The following TESPA1 variants were observed in gnomAD, a reference collection of about 807,000 sequenced individuals.
The protein encoded by TESPA1 is thymocyte expressed, positive selection associated 1.
A neutral mutation model predicts 57.9 loss-of-function variants in TESPA1; 33 were observed. The observed-to-expected ratio is 0.57, with a 90% CI of 0.43 to 0.76. The LOEUF (loss-of-function observed/expected upper bound fraction) is 0.76, where lower values mean the gene tolerates loss of function less well. Ranked by LOEUF, TESPA1 falls within the 30% of genes least tolerant of loss-of-function variation. The pLI is 0.00. For missense variants in TESPA1, 618 were observed against 632.9 expected, an observed-to-expected ratio of 0.98 and a Z score of 0.25; for synonymous variants, 227 against 228.9, an observed-to-expected ratio of 0.99 and a Z score of 0.07.
At chr12:54,963,350 A>G (rs2136107452) in intron 8 of TESPA1, 108 bp from the exon 9 acceptor site, 1 of 1,117,554 alleles carries the variant, frequency 8.9e-7, no homozygotes, top group Non-Finnish European at 1.2e-6. Flanking sequence ...AGAAGCTTCC[A>G]ATTTTCCTAC....
chr12:54,962,477 C>T lies in TESPA1; in HGVS notation c.1421G>A (p.Arg474His), dbSNP rs370397366. The change falls in exon 9 of 11, where the codon CGT becomes CAT. Residue 474 changes from arginine (R) to histidine (H), a missense_variant. By Grantham distance (29) the Arg-to-His change is conservative. This residue lies in a region of TESPA1 where 409 missense variants were observed against 420.1 expected (regional missense o/e 0.97). Transcript: ENST00000449076. ...CTGTGGCTGCTGGCTTAAAGACCGA[C>T]GCAGTTCTGGTCTGTCTACACTCTG... is the stretch of plus-strand genomic sequence containing the variant. ...WKQSVDRPEL[R>H]RSLSQQPQDT... The T allele has an allele frequency of 4.2e-5, 67 of 1,612,780 alleles. No individual in the cohort carries two copies. Among genetic ancestry groups the T allele is most frequent in the East Asian group, 3.1e-4 (14 of 44,866 alleles).
At chr12:54,969,021 G>GTGTGTGTGTATATATATATATA (rs370590552) in intron 3 of TESPA1, among the ~76,000 whole-genome samples, 17 of 83,648 alleles carry the variant, frequency 2.0e-4, no homozygotes, top group African/African-American at 5.0e-4. Context: ...ATTTATATAT[G>GTGTGTGTGTATATATATATATA]TATATATATA....
intron 7 of TESPA1, among the ~76,000 whole-genome samples, chr12:54,964,732 T>G (rs1235716092): frequency 6.6e-6 from 1 of 152,260 alleles, no homozygotes; most frequent in African/African-American, 2.4e-5. Flanking sequence ...AGCTAATAGC[T>G]GGACGGTCGG....
At chr12:54,955,666 G>A (rs1192480190) in intron 10 of TESPA1, among the ~76,000 whole-genome samples, 1 of 152,186 alleles carries the variant, frequency 6.6e-6, no homozygotes, top group Non-Finnish European at 1.5e-5. Flanking sequence ...TTCTGTGTTT[G>A]CAATCTGTTT....
At chr12:54,952,741 A>G (rs1341051968) in intron 10 of TESPA1, among the ~76,000 whole-genome samples, 1 of 152,206 alleles carries the variant, frequency 6.6e-6, no homozygotes, top group East Asian at 1.9e-4. Flanking sequence ...GAATTGAGTA[A>G]AGTCTTTGAA....
At chr12:54,961,628 A>G (rs146125550) in intron 9 of TESPA1, among the ~76,000 whole-genome samples, 125 of 152,312 alleles carry the variant, frequency 8.2e-4, no homozygotes, top group African/African-American at 2.8e-3. Context: ...GAACACGAAG[A>G]GTTGGTGGAC....
At chr12:54,953,421 T>C (rs1018992956) in intron 10 of TESPA1, among the ~76,000 whole-genome samples, 3 of 152,156 alleles carry the variant, frequency 2.0e-5, no homozygotes, top group Non-Finnish European at 4.4e-5. Flanking sequence ...AGAATATCAA[T>C]ATTCTGCTTT....
At chr12:54,966,260 G>C in intron 6 of TESPA1, 109 bp from the exon 7 acceptor site, 2 of 1,569,570 alleles carry the variant, frequency 1.3e-6, no homozygotes, top group Non-Finnish European at 1.7e-6. Flanking sequence ...TCTATGCAGT[G>C]CTTGTTCGTT....
intron 3 of TESPA1, among the ~76,000 whole-genome samples, chr12:54,969,498 A>G (rs1951687034): frequency 6.6e-6 from 1 of 152,124 alleles, no homozygotes; most frequent in South Asian, 2.1e-4. Context: ...TCTAGGTTGT[A>G]CCCAATGGAC....
chr12:54,956,884 C>A (rs1302791622), intron 10 of TESPA1, among the ~76,000 whole-genome samples: 13 of 152,170 alleles, frequency 8.5e-5, no homozygotes, highest in Admixed American at 8.5e-4. Context: ...CACAGCCAAA[C>A]TTGGTTTTAT....
intron 1 of TESPA1, among the ~76,000 whole-genome samples, chr12:54,982,305 G>A (rs1038937541): frequency 2.6e-5 from 4 of 152,196 alleles, no homozygotes; most frequent in Non-Finnish European, 5.9e-5. Context: ...GACTTCTATT[G>A]TCTAAGGAGC....
At position 54,963,243 on chromosome 12, in the gene TESPA1, C is replaced by A; in HGVS notation, c.656-1G>T. 6.2e-7 allele frequency: 1 copy of A among 1,608,212 alleles called. No homozygotes were observed. Among genetic ancestry groups the A allele is most frequent in the South Asian group, 1.1e-5 (1 of 90,190 alleles). The stretch of plus-strand genomic sequence containing the variant: ...AGTGTTTGCACCTGCTTAAACCTGC[C>A]TGGGTACAAGAGTTAAAGATGGTAA... On this transcript the variant is annotated splice_acceptor_variant, in intron 8 of 10. Coordinates refer to ENST00000449076, the MANE Select transcript of TESPA1 (RefSeq NM_001136030.3). LOFTEE classifies it high-confidence loss of function.
At chr12:54,970,727 C>G (rs1430523271) in intron 3 of TESPA1, among the ~76,000 whole-genome samples, 1 of 152,168 alleles carries the variant, frequency 6.6e-6, no homozygotes, top group Non-Finnish European at 1.5e-5. Flanking sequence ...AATTCCTTAG[C>G]ATCATTTTAA....
At chr12:54,960,601 A>G (rs921860261) in intron 10 of TESPA1, among the ~76,000 whole-genome samples, 1 of 152,222 alleles carries the variant, frequency 6.6e-6, no homozygotes, top group Non-Finnish European at 1.5e-5. Context: ...AACTTCTACT[A>G]CAATGAGTTT....
rs549186606 is a variant in TESPA1, at chr12:54,965,689, C to T, written c.446+364G>A. Reference sequence around the variant, plus strand: ...ACAGTCATTGCCTGGCCTGCCTGTCCGAATGAATTAATATTTTATTGCTTC... The same window carrying T: ...ACAGTCATTGCCTGGCCTGCCTGTCTGAATGAATTAATATTTTATTGCTTC... On this transcript the variant is annotated intron_variant, in intron 7 of 10. Transcript: ENST00000449076. 3.5e-4 allele frequency among the ~76,000 whole-genome samples: 53 copies of T among 152,122 alleles called. 1 individual carries two copies. The highest frequency in any genetic ancestry group is 1.2e-3 in the African/African-American group (48 of 41,492).
At chr12:54,973,853 T>C in intron 2 of TESPA1, 1 of 1,100,170 alleles carries the variant, frequency 9.1e-7, no homozygotes, top group Non-Finnish European at 1.1e-6. Flanking sequence ...AATCTTGTTT[T>C]TGTGCTTTTT....
intron 1 of TESPA1, among the ~76,000 whole-genome samples, chr12:54,975,935 C>G (rs1952120352): frequency 6.6e-6 from 1 of 152,174 alleles, no homozygotes; most frequent in South Asian, 2.1e-4. Flanking sequence ...TCTGATCTAA[C>G]TTCCTTCACT....
In TESPA1 at chr12:54,974,420, A is replaced by G; in HGVS notation, c.143T>C (p.Leu48Pro). The G allele has an allele frequency of 2.5e-6, 4 of 1,607,894 alleles. No homozygotes were observed. The highest frequency in any genetic ancestry group is 3.4e-6 in the Non-Finnish European group (4 of 1,177,342). ...QDVPDPEPSS[L>P]DDVFQEGNPI... Reference sequence around the variant, plus strand: ...CTTACCTTCTTGGAAAACGTCATCCAGGCTGGAAGGCTCAGGATCTGGGAC... The same window carrying G: ...CTTACCTTCTTGGAAAACGTCATCCGGGCTGGAAGGCTCAGGATCTGGGAC... The change falls in exon 2 of 11, where the codon CTG becomes CCG. Residue 48 changes from leucine (L) to proline (P), a missense_variant. By Grantham distance (98) the Leu-to-Pro change is moderately conservative. This residue lies in a region of TESPA1 where 199 missense variants were observed against 184.0 expected (regional missense o/e 1.08). Transcript: ENST00000449076.
intron 5 of TESPA1, among the ~76,000 whole-genome samples, 196 bp downstream of exon 5, chr12:54,966,987 T>G (rs1251625017): frequency 6.6e-6 from 1 of 152,166 alleles, no homozygotes; most frequent in Non-Finnish European, 1.5e-5. Context: ...CATGGTAGGC[T>G]GATGAGGAGG....
Sources: allele counts gnomAD v4.1 joint callset (sites outside exome capture counted in the v4.1 genomes callset), GRCh38; gene constraint gnomAD v4.1.1; regional missense constraint gnomAD v4.1.1; transcripts MANE v1.5; gene names NCBI Gene and HGNC (gene_info 2026-07-23, HGNC 2026-07-21).